Variants in PDZD2 observed in about 807,000 individuals in gnomAD.
The protein encoded by PDZD2 is PDZ domain-containing protein 2.
In PDZD2, 90 loss-of-function variants were observed where a neutral mutation model predicts 220.7. That is an observed-to-expected ratio of 0.41 (90% CI 0.34 to 0.49). PDZD2 has a LOEUF of 0.49. Ranked by LOEUF, PDZD2 falls within the 20% of genes least tolerant of loss-of-function variation. The pLI, the probability that PDZD2 is intolerant of heterozygous loss-of-function variation, is 0.28. For synonymous variants in PDZD2, 1,375 were observed against 1,450.5 expected, an observed-to-expected ratio of 0.95 and a Z score of 1.18; for missense variants, 3,174 against 3,608.5, an observed-to-expected ratio of 0.88 and a Z score of 3.08.
chr5:31,796,317 C>G (rs73058494), intron 1 of PDZD2, among the ~76,000 whole-genome samples: 1 of 152,170 alleles, frequency 6.6e-6, no homozygotes, highest in Admixed American at 6.5e-5. Context: ...AATGCAGCCC[C>G]GTCCAGGATG....
At position 32,088,589 on chromosome 5, in the gene PDZD2, T is replaced by C. The variant is rs1461710443; in HGVS notation, c.5141T>C (p.Val1714Ala). The C allele has an allele frequency of 1.9e-6, 3 of 1,614,020 alleles. No homozygotes were observed. In the East Asian group the frequency reaches 6.7e-5, roughly 36 times the overall value. Reference sequence around the variant, plus strand: ...ATGGAAAACAGTCCGCTGTCTAAAGTAGCCAGGCATTTTCACAGTCCGCCC... The same window carrying C: ...ATGGAAAACAGTCCGCTGTCTAAAGCAGCCAGGCATTTTCACAGTCCGCCC... ...SAMENSPLSK[V>A]ARHFHSPPII... The change falls in exon 20 of 25, where the codon GTA (valine) becomes GCA (alanine). Residue 1714 changes from valine (V) to alanine (A), a missense_variant. By Grantham distance (64) the Val-to-Ala change is moderately conservative. Transcript: ENST00000438447. This position sits in a 1 kb window ranked among gnomAD's most constrained non-coding sequence, Gnocchi z 4.6.
At chr5:31,692,582 C>T (rs1050565760) in intron 1 of PDZD2, among the ~76,000 whole-genome samples, 50 of 152,256 alleles carry the variant, frequency 3.3e-4, no homozygotes, top group Non-Finnish European at 6.2e-4. Flanking sequence ...CCCTGCTTCC[C>T]TAGCTCTGAC....
rs181288640 is a variant in PDZD2 at position 31,826,951 on chromosome 5, G to A, written c.476+27227G>A. On this transcript the variant is annotated intron_variant, in intron 2 of 24. Coordinates refer to ENST00000438447, the MANE Select transcript of PDZD2 (RefSeq NM_178140.4). The stretch of plus-strand genomic sequence containing the variant: ...GCCTCCAAGACCTGAGTCTTTTTTT[G>A]CTGGGATGCTCTGTCAATTGCTACC... Among the ~76,000 whole-genome samples, 103 of 152,070 alleles carry A rather than the reference G, an allele frequency of 6.8e-4. 1 individual carries two copies. The highest frequency in any genetic ancestry group is 2.3e-3 in the African/African-American group (96 of 41,534).
At chr5:31,863,771 A>G (rs1737940701) in intron 2 of PDZD2, among the ~76,000 whole-genome samples, 2 of 152,212 alleles carry the variant, frequency 1.3e-5, no homozygotes, top group Non-Finnish European at 2.9e-5. Flanking sequence ...GTTTACACAT[A>G]AAGAAATTTC....
rs5867117 is a variant in PDZD2 at position 31,934,607 on chromosome 5, TAAAAAAAA to T, written c.477-48536_477-48529del. On this transcript the variant is annotated intron_variant, in intron 2 of 24. Coordinates refer to ENST00000438447, the MANE Select transcript of PDZD2 (RefSeq NM_178140.4). ...TTAGGAGACATTTGAACCATCTAATTAAAAAAAAAAAAAAAAAAAGACTTAAGTCCGGA... is the reference window on the plus strand; with the variant it reads ...TTAGGAGACATTTGAACCATCTAATTAAAAAAAAAAAGACTTAAGTCCGGA... Among the ~76,000 whole-genome samples the T allele has an allele frequency of 2.5e-5, 3 of 118,082 alleles. No homozygotes were observed. The East Asian group carries it at 7.6e-4, about 30-fold the overall frequency. The allele number at this position is 118,082 out of a possible 152,430, so 77.5% of individuals were successfully genotyped here.
At chr5:31,663,481 GA>G (rs58312626) in intron 1 of PDZD2, among the ~76,000 whole-genome samples, 2 of 150,566 alleles carry the variant, frequency 1.3e-5, no homozygotes, top group Non-Finnish European at 3.0e-5. Flanking sequence ...ATTTTTTTAA[GA>G]AAAAAAAATA....
At chr5:31,916,600 C>T (rs957722748) in intron 2 of PDZD2, among the ~76,000 whole-genome samples, 2 of 152,236 alleles carry the variant, frequency 1.3e-5, no homozygotes, top group African/African-American at 2.4e-5. Context: ...TTAGATTGGG[C>T]TTGCCCTGGC....
rs61474035 is a variant in PDZD2, at chr5:32,092,274, G to GA, written c.7728-616dup. The stretch of plus-strand genomic sequence containing the variant: ...GGGCAACAGAGTAAGACTCAATCTC[G>GA]AAAAAAAAAAAAAAAAAGCCAGGCC... On this transcript the variant is annotated intron_variant, in intron 20 of 24. Coordinates refer to ENST00000438447, the MANE Select transcript of PDZD2 (RefSeq NM_178140.4). Among the ~76,000 whole-genome samples the GA allele has an allele frequency of 4.0e-3, 344 of 86,128 alleles. 1 individual carries two copies. The highest frequency in any genetic ancestry group is 4.1e-3 in the Non-Finnish European group (165 of 40,444). 56.5% of individuals were successfully genotyped at this position (86,128 alleles called of 152,430 possible). A position where few individuals can be genotyped will look rare whatever the true frequency, so the allele number is the denominator to read the frequency against.
Position 31,788,598 on chromosome 5 carries a change from G to C in PDZD2, c.-360-10291G>C, listed in dbSNP as rs566857691. Among the ~76,000 whole-genome samples the C allele has an allele frequency of 2.0e-5, 3 of 152,182 alleles. No homozygotes were observed. The East Asian group carries it at 5.8e-4, about 29-fold the overall frequency. ...GGAGAATGGCGTGAACCTGGGAGGC[G>C]GAGAGTGCAGTGAGCCGAGATCGTG... On this transcript the variant is annotated intron_variant, in intron 1 of 24. Transcript: ENST00000438447.
intron 1 of PDZD2, among the ~76,000 whole-genome samples, chr5:31,765,663 CG>C (rs1561441842): frequency 6.6e-6 from 1 of 152,074 alleles, no homozygotes; most frequent in East Asian, 1.9e-4. Flanking sequence ...TCCCTGAGGC[CG>C]GAAGACATCA....
At chr5:31,918,621 C>A (rs572844099) in intron 2 of PDZD2, among the ~76,000 whole-genome samples, 1 of 152,226 alleles carries the variant, frequency 6.6e-6, no homozygotes, top group African/African-American at 2.4e-5. Context: ...TTTAGGGTAG[C>A]CTTAATCATT....
Position 31,995,728 on chromosome 5 carries a change from T to C in PDZD2, c.1121+10T>C. ...GAGGTGCCGCTCACAGGTGACTAGATAACTCTCCCCTCTCCCCCATCCCTC... is the reference window on the plus strand; with the variant it reads ...GAGGTGCCGCTCACAGGTGACTAGACAACTCTCCCCTCTCCCCCATCCCTC... On this transcript the variant is annotated intron_variant, in intron 4 of 24. Coordinates refer to ENST00000438447, the MANE Select transcript of PDZD2 (RefSeq NM_178140.4). 12 of 1,612,240 alleles carry C rather than the reference T, an allele frequency of 7.4e-6. No homozygotes were observed. The highest frequency in any genetic ancestry group is 8.5e-6 in the Non-Finnish European group (10 of 1,179,482).
At chr5:31,660,909 T>C (rs1273152058) in intron 1 of PDZD2, among the ~76,000 whole-genome samples, 1 of 152,134 alleles carries the variant, frequency 6.6e-6, no homozygotes, top group African/African-American at 2.4e-5. Context: ...TGTTTTGTTT[T>C]GTTTTGTGGA....
chr5:32,074,446 C>G lies in PDZD2; in HGVS notation c.3340C>G (p.Leu1114Val). 1 of 1,614,066 alleles carries G rather than the reference C, an allele frequency of 6.2e-7. No individual in the cohort carries two copies. The highest frequency in any genetic ancestry group is 8.5e-7 in the Non-Finnish European group (1 of 1,179,904). ...TTCCCCCCAGCAGAAAAGTGAAGGC[C>G]TGGGCTCCAGGCACAGACCAGTGGC... ...PSSPQQKSEG[L>V]GSRHRPVARV... The change falls in exon 18 of 25, where the codon CTG becomes GTG. Residue 1114 changes from leucine to valine, a missense_variant. Physicochemically the swap from Leu to Val is conservative, Grantham distance 32 (BLOSUM62 1). Coordinates refer to ENST00000438447, the MANE Select transcript of PDZD2 (RefSeq NM_178140.4).
At chr5:32,031,798 G>A (rs1171820249) in intron 6 of PDZD2, among the ~76,000 whole-genome samples, 1 of 152,120 alleles carries the variant, frequency 6.6e-6, no homozygotes, top group Non-Finnish European at 1.5e-5. Flanking sequence ...TAACCCTCAT[G>A]ATAACCCTGT....
intron 23 of PDZD2, chr5:32,099,873 GT>G (rs1308072479): frequency 6.6e-6 from 1 of 152,286 alleles, no homozygotes; most frequent in African/African-American, 2.4e-5. Flanking sequence ...TCAGTTTCCT[GT>G]TCTTCAGTCT....
chr5:31,954,319 T>A (rs952395725), intron 2 of PDZD2, among the ~76,000 whole-genome samples: 2 of 152,214 alleles, frequency 1.3e-5, no homozygotes, highest in Admixed American at 1.3e-4. Context: ...TCATAAATTA[T>A]AGAAGCTATT....
chr5:32,105,365 T>TA (rs1179495320), intron 24 of PDZD2, among the ~76,000 whole-genome samples: 5 of 152,100 alleles, frequency 3.3e-5, no homozygotes, highest in Non-Finnish European at 5.9e-5. Flanking sequence ...TGGCCAAAAA[T>TA]AAAAAATCTC....
intron 2 of PDZD2, among the ~76,000 whole-genome samples, chr5:31,957,621 G>T (rs1747832357): frequency 6.6e-6 from 1 of 152,174 alleles, no homozygotes; most frequent in Admixed American, 6.5e-5. Context: ...CCAGGGGGTT[G>T]CCCATTATAT....
Sources: allele counts gnomAD v4.1 joint callset (sites outside exome capture counted in the v4.1 genomes callset), GRCh38; gene constraint gnomAD v4.1.1; non-coding constraint Gnocchi (gnomAD v3.1); transcripts MANE v1.5; gene names NCBI Gene and HGNC (gene_info 2026-07-23, HGNC 2026-07-21).